AGBL1: variants seen among roughly 807,000 people sequenced by gnomAD.
The protein encoded by AGBL1 is cytosolic carboxypeptidase 4.
AGBL1 carries 130 observed loss-of-function variants against 118.9 expected under a neutral mutation model. That is an observed-to-expected ratio of 1.09 (90% confidence interval 0.95 to 1.26). The LOEUF is 1.26. Ranked by LOEUF, AGBL1 falls within the 50% of genes most tolerant of loss-of-function variation. The pLI, the probability that AGBL1 is intolerant of heterozygous loss-of-function variation, is 0.00. For missense variants in AGBL1, 1,584 were observed against 1,298.1 expected (o/e 1.22, Z -3.38); for synonymous variants, 555 against 478.9 (o/e 1.16, Z -2.08).
intron 18 of AGBL1, among the ~76,000 whole-genome samples, chr15:86,412,143 T>A (rs976560356): frequency 2.0e-5 from 3 of 152,206 alleles, no homozygotes; most frequent in African/African-American, 7.2e-5. Flanking sequence ...TACTTGGCAT[T>A]TTTCCCTCTG....
chr15:86,140,572 G>A (rs2076949856), intron 1 of AGBL1, among the ~76,000 whole-genome samples: 1 of 152,160 alleles, frequency 6.6e-6, no homozygotes, highest in South Asian at 2.1e-4. Flanking sequence ...GGAGTGGGAA[G>A]CAAGATTATA....
At chr15:86,543,562 T>A (rs560981419) in intron 19 of AGBL1, among the ~76,000 whole-genome samples, 1 of 152,344 alleles carries the variant, frequency 6.6e-6, no homozygotes, top group East Asian at 1.9e-4. Context: ...ACTGGAGAAG[T>A]TAGAGGCTTT....
chr15:86,177,246 A>G (rs1158053956), intron 5 of AGBL1, among the ~76,000 whole-genome samples: 4 of 152,234 alleles, frequency 2.6e-5, no homozygotes, highest in African/African-American at 4.8e-5. Context: ...TATTAGGAAC[A>G]AACAAAAGTC....
In AGBL1 at chr15:86,279,550, A is replaced by C; in HGVS notation, c.2076-89A>C. Reference sequence around the variant, plus strand: ...TGTGCCAGGACAGTATATAACGCACAAGATTTATAGCATCTAGGACCCTAA... The same window carrying C: ...TGTGCCAGGACAGTATATAACGCACCAGATTTATAGCATCTAGGACCCTAA... On this transcript the variant is annotated intron_variant, in intron 15 of 22. Coordinates refer to ENST00000614907, the MANE Select transcript of AGBL1 (RefSeq NM_001386094.1). 7.6e-6 allele frequency: 10 copies of C among 1,320,910 alleles called. No homozygotes were observed. The South Asian group carries it at 1.2e-4, about 16-fold the overall frequency. The allele number at this position is 1,320,910 out of a possible 1,614,324, so 81.8% of individuals were successfully genotyped here.
rs180935453 is a variant in AGBL1, at chr15:86,922,277, A to G, written c.3222-65710A>G. Among the ~76,000 whole-genome samples, 5 of 152,346 alleles carry G rather than the reference A, an allele frequency of 3.3e-5. No individual in the cohort carries two copies. The East Asian group carries it at 9.7e-4, about 29-fold the overall frequency. On this transcript the variant is annotated intron_variant, in intron 23 of 24. Transcript: ENST00000441037. ...GCATATAGCAAAAGGCATAACAAAA[A>G]TCAAAATCCAGAAACATGTTGTTAT...
At chr15:86,146,471 C>G (rs933563329) in intron 3 of AGBL1, among the ~76,000 whole-genome samples, 3 of 152,162 alleles carry the variant, frequency 2.0e-5, no homozygotes, top group African/African-American at 7.2e-5. Context: ...ACCAATCCCA[C>G]GTGGACACTG....
chr15:86,256,764 G>C, intron 7 of AGBL1, 89 bp from the exon 8 acceptor site: 1 of 1,367,620 alleles, frequency 7.3e-7, no homozygotes, highest in Non-Finnish European at 1.0e-6. Context: ...ACTGTGCTGT[G>C]TTACAGCTTG....
chr15:86,550,070 A>T (rs1596255360), intron 20 of AGBL1, among the ~76,000 whole-genome samples: 1 of 152,134 alleles, frequency 6.6e-6, no homozygotes, highest in East Asian at 1.9e-4. Context: ...CAGAGAAAAC[A>T]AGATTAAAGA....
In AGBL1 at chr15:86,546,004, T is replaced by G. The variant is rs369308428; in HGVS notation, c.2688T>G (p.Val896=). The G allele has an allele frequency of 1.7e-5, 27 of 1,612,560 alleles. No homozygotes were observed. Among genetic ancestry groups the G allele is most frequent in the East Asian group, 2.2e-5 (1 of 44,874 alleles). Residue 896 remains valine, a splice_region_variant and synonymous_variant, in exon 20 of 23, where the codon GTT becomes GTG. Coordinates refer to ENST00000614907, the MANE Select transcript of AGBL1 (RefSeq NM_001386094.1). ...TCTCCTTTGTTGGGCTATTGTAGGT[T>G]TTCTGTGACTTCCATGGCCACTCCC... ...HLSSIGRSPV[V]FCDFHGHSQK...
At chr15:86,219,996 G>T (rs1392023610) in intron 5 of AGBL1, among the ~76,000 whole-genome samples, 2 of 136,210 alleles carry the variant, frequency 1.5e-5, no homozygotes, top group African/African-American at 2.7e-5. Flanking sequence ...CTGTTGCCCG[G>T]GCTGGAGTGC....
At chr15:86,249,822 G>A (rs909695666) in intron 7 of AGBL1, among the ~76,000 whole-genome samples, 3 of 152,248 alleles carry the variant, frequency 2.0e-5, no homozygotes, top group African/African-American at 7.2e-5. Context: ...AGAGGGAAAT[G>A]TCTACGATAG....
chr15:86,278,495 C>A (rs1053934104), intron 15 of AGBL1, among the ~76,000 whole-genome samples: 1 of 127,636 alleles, frequency 7.8e-6, no homozygotes, highest in Non-Finnish European at 1.8e-5. Flanking sequence ...GATTTTCTAT[C>A]TCTTTCTTCC....
chr15:86,129,328 A>G (rs193074775), intron 1 of AGBL1, among the ~76,000 whole-genome samples: 21 of 152,292 alleles, frequency 1.4e-4, no homozygotes, highest in African/African-American at 5.1e-4. Flanking sequence ...TCTGATTCAG[A>G]AAAATCTAGT....
chr15:86,635,136 T>C (rs1042163180), intron 21 of AGBL1, among the ~76,000 whole-genome samples: 1 of 151,790 alleles, frequency 6.6e-6, no homozygotes, highest in African/African-American at 2.4e-5. Flanking sequence ...AAAGAATGAG[T>C]GCTTCCTTCA....
chr15:86,368,843 T>G (rs1340406200), intron 17 of AGBL1, among the ~76,000 whole-genome samples: 1 of 152,176 alleles, frequency 6.6e-6, no homozygotes, highest in Non-Finnish European at 1.5e-5. Flanking sequence ...AAGTGTATTC[T>G]GAATATCAAA....
intron 18 of AGBL1, among the ~76,000 whole-genome samples, chr15:86,479,031 T>G (rs1753343944): frequency 6.6e-6 from 1 of 152,224 alleles, no homozygotes; most frequent in Admixed American, 6.5e-5. Flanking sequence ...GCTAGCCACA[T>G]GTAGAAAGCT....
chr15:86,267,351 C>T (rs1381005388), intron 13 of AGBL1, among the ~76,000 whole-genome samples: 1 of 152,118 alleles, frequency 6.6e-6, no homozygotes, highest in East Asian at 1.9e-4. Context: ...TAGAAGTGAA[C>T]TGTTATTAAT....
At chr15:86,120,166 T>G (rs1898008001) in intron 1 of AGBL1, among the ~76,000 whole-genome samples, 1 of 152,220 alleles carries the variant, frequency 6.6e-6, no homozygotes. Context: ...CCAGGTCATC[T>G]TTTGCTTTCT....
At chr15:86,930,058 A>G (rs1165703957) in intron 23 of AGBL1, among the ~76,000 whole-genome samples, 1 of 152,198 alleles carries the variant, frequency 6.6e-6, no homozygotes, top group Non-Finnish European at 1.5e-5. Flanking sequence ...GAAACATACC[A>G]TAAATCATGG....
Sources: allele counts gnomAD v4.1 joint callset (sites outside exome capture counted in the v4.1 genomes callset), GRCh38; gene constraint gnomAD v4.1.1; transcripts MANE v1.5; gene names NCBI Gene and HGNC (gene_info 2026-07-23, HGNC 2026-07-21).